CRHR2: variants seen among roughly 807,000 people sequenced by gnomAD.
CRHR2 encodes the protein corticotropin releasing hormone receptor 2.
A neutral mutation model predicts 57.9 loss-of-function variants in CRHR2; 53 were observed. The ratio of observed to expected loss-of-function variants is 0.92; its 90% CI spans 0.73 to 1.15. The LOEUF is 1.15. Among genes scored for constraint, CRHR2 ranks in the 50% most tolerant of loss-of-function variants. The pLI, the probability that CRHR2 is intolerant of heterozygous loss-of-function variation, is 0.00. For synonymous variants in CRHR2, 213 were observed against 220.9 expected (o/e 0.96, Z 0.32); for missense variants, 532 against 542.6 (o/e 0.98, Z 0.19).
chr7:30,674,929 G>A (rs1784471612), intron 2 of CRHR2, among the ~76,000 whole-genome samples: 1 of 152,120 alleles, frequency 6.6e-6, no homozygotes. Context: ...GGAGCCCCAA[G>A]CAGCATCATC....
intron 11 of CRHR2, 60 bp downstream of exon 11, chr7:30,654,979 C>T (rs1783723424): frequency 6.3e-7 from 1 of 1,593,360 alleles, no homozygotes. Flanking sequence ...ATGGAGCTGC[C>T]CTGGAGTGGG....
Position 30,652,558 on chromosome 7 carries a change from T to C in CRHR2, c.*902A>G, listed in dbSNP as rs1299292900. On this transcript the variant is annotated 3_prime_UTR_variant, in exon 12 of 12. Transcript: ENST00000471646. This position sits in a 1 kb window ranked among gnomAD's most constrained non-coding sequence, Gnocchi z 4.4. ...CCACACCACTCTTCGGGTGCCTGGGTGACTTGACCTGAGGGGAGGCCACTT... is the reference window on the plus strand; with the variant it reads ...CCACACCACTCTTCGGGTGCCTGGGCGACTTGACCTGAGGGGAGGCCACTT... 1 of 152,222 alleles carries C rather than the reference T, an allele frequency of 6.6e-6. No homozygotes were observed. The highest frequency in any genetic ancestry group is 1.9e-4 in the East Asian group (1 of 5,192). 9.4% of individuals were successfully genotyped at this position (152,222 alleles called of 1,614,324 possible). A position where few individuals can be genotyped will look rare whatever the true frequency, so the allele number is the denominator to read the frequency against.
At chr7:30,671,842 TA>T (rs1784369532) in intron 2 of CRHR2, among the ~76,000 whole-genome samples, 2 of 142,280 alleles carry the variant, frequency 1.4e-5, no homozygotes, top group African/African-American at 5.3e-5. Context: ...ATGATGATGA[TA>T]ATGATGATGA....
upstream of CRHR2, among the ~76,000 whole-genome samples, chr7:30,685,024 T>G (rs1784827143): frequency 6.6e-6 from 1 of 152,158 alleles, no homozygotes; most frequent in South Asian, 2.1e-4. Context: ...GATAAGTATT[T>G]GGAACAGTTT....
intron 2 of CRHR2, 61 bp from the exon 3 acceptor site, chr7:30,667,374 C>A (rs1784221217): frequency 2.1e-6 from 3 of 1,427,446 alleles, no homozygotes; most frequent in Non-Finnish European, 2.0e-6. Flanking sequence ...CCCTCCCTGG[C>A]TCCCTGGTGC....
At chr7:30,693,716 G>T (rs565426640) in intron 1 of CRHR2, among the ~76,000 whole-genome samples, 2 of 152,286 alleles carry the variant, frequency 1.3e-5, no homozygotes, top group South Asian at 4.1e-4. Flanking sequence ...GGGCAGTCTT[G>T]TGGGACTGAG....
intron 2 of CRHR2, among the ~76,000 whole-genome samples, chr7:30,676,367 A>G (rs767702628): frequency 5.9e-5 from 9 of 152,278 alleles, no homozygotes; most frequent in Admixed American, 1.3e-4. Context: ...GGAGAATGGA[A>G]TAGAGTCAGG....
chr7:30,656,760 C>T lies in CRHR2; in HGVS notation c.832-748G>A, dbSNP rs1584081598. On this transcript the variant is annotated intron_variant, in intron 8 of 11. Transcript: ENST00000471646. This position sits in a 1 kb window ranked among gnomAD's most constrained non-coding sequence, Gnocchi z 4.4. ...CTGCTGGGTGTGGGTCCCCATGGGC[C>T]TGCGAGTGTCTGTTCATCTGTATTG... is the stretch of plus-strand genomic sequence containing the variant. Among the ~76,000 whole-genome samples, 1 of 152,330 alleles carries T rather than the reference C, an allele frequency of 6.6e-6. No homozygotes were observed. Among genetic ancestry groups the T allele is most frequent in the East Asian group, 1.9e-4 (1 of 5,186 alleles).
intron 6 of CRHR2, 25 bp from the exon 7 acceptor site, chr7:30,662,241 G>T: frequency 1.2e-6 from 2 of 1,613,506 alleles, no homozygotes; most frequent in Admixed American, 1.7e-5. Context: ...GACTTGGGCT[G>T]CAGGGGACAG....
intron 8 of CRHR2, among the ~76,000 whole-genome samples, chr7:30,658,140 C>T (rs954441355): frequency 6.6e-6 from 1 of 152,170 alleles, no homozygotes; most frequent in African/African-American, 2.4e-5. Flanking sequence ...CTTCACACCA[C>T]CACAGGTACC....
At chr7:30,681,564 G>A (rs1236240914) in intron 2 of CRHR2, among the ~76,000 whole-genome samples, 1 of 152,192 alleles carries the variant, frequency 6.6e-6, no homozygotes, top group Admixed American at 6.5e-5. Context: ...GGGAAGCATT[G>A]TCTAAACAAT....
chr7:30,690,976 G>A (rs1784950977), intron 1 of CRHR2, among the ~76,000 whole-genome samples: 1 of 152,170 alleles, frequency 6.6e-6, no homozygotes, highest in Non-Finnish European at 1.5e-5. Context: ...CAAACACTGG[G>A]GGCCATGGTC....
chr7:30,685,551 A>T (rs1784839600), upstream of CRHR2, among the ~76,000 whole-genome samples: 2 of 152,158 alleles, frequency 1.3e-5, no homozygotes, highest in Admixed American at 1.3e-4. Flanking sequence ...TTTGCCCTGT[A>T]GCACTGGAGA....
chr7:30,678,850 C>T (rs995236676), intron 2 of CRHR2, among the ~76,000 whole-genome samples: 29 of 152,180 alleles, frequency 1.9e-4, no homozygotes, highest in Admixed American at 1.9e-3. Context: ...GCTCTTACAG[C>T]CTGCGGTCTA....
chr7:30,699,913 C>T, intron 1 of CRHR2: 1 of 1,489,804 alleles, frequency 6.7e-7, no homozygotes. Flanking sequence ...CCTGGCGCCC[C>T]ACCTCGTGGA....
At chr7:30,657,741 T>A (rs975537) in intron 8 of CRHR2, among the ~76,000 whole-genome samples, 121,423 of 152,128 alleles carry the variant, frequency 0.8, 48,936 homozygotes, top group African/African-American at 0.91. Context: ...AGTTCATTCA[T>A]TTACCCACCT....
intron 6 of CRHR2, 66 bp downstream of exon 6, chr7:30,662,620 ACCCAAGAC>A (rs1784048649): frequency 6.4e-7 from 1 of 1,555,312 alleles, no homozygotes; most frequent in Non-Finnish European, 8.7e-7. Flanking sequence ...TGGTCCTTGG[ACCCAAGAC>A]GAAGGGAAAT....
chr7:30,676,795 T>C (rs1199991791), intron 2 of CRHR2, among the ~76,000 whole-genome samples: 1 of 152,210 alleles, frequency 6.6e-6, no homozygotes, highest in Non-Finnish European at 1.5e-5. Context: ...CTTATGTGTT[T>C]CCATTGTAAC....
At chr7:30,660,512 G>C (rs1783954527) in intron 8 of CRHR2, 61 bp downstream of exon 8, 1 of 1,504,380 alleles carries the variant, frequency 6.6e-7, no homozygotes. Context: ...TCTCTGCCTG[G>C]GTGGGCCCTC....
Sources: gnomAD v4.1 joint callset for allele counts (sites outside exome capture counted in the v4.1 genomes callset) on GRCh38, gnomAD v4.1.1 for gene constraint, Gnocchi (gnomAD v3.1) non-coding constraint, MANE v1.5 for transcripts, NCBI Gene and HGNC (gene_info 2026-07-23, HGNC 2026-07-21) for gene names.